Variants in SORBS2 observed in about 807,000 individuals in gnomAD.
The protein encoded by SORBS2 is sorbin and SH3 domain-containing protein 2.
SORBS2 carries 46 observed loss-of-function variants against 97.7 expected under a neutral mutation model. That is an observed-to-expected ratio of 0.47 (90% CI 0.37 to 0.60). The LOEUF is 0.60. SORBS2 is among the 20% of genes least tolerant of loss of function. The pLI, the probability that SORBS2 is intolerant of heterozygous loss-of-function variation, is 0.00. For synonymous variants in SORBS2, 476 were observed against 473.4 expected (o/e 1.01, Z -0.07); for missense variants, 1,316 against 1,282.3 (o/e 1.03, Z -0.40).
chr4:185,944,497 C>A lies in SORBS2; in HGVS notation c.-338+11699G>T, dbSNP rs541109573. Among the ~76,000 whole-genome samples the A allele has an allele frequency of 1.1e-3, 171 of 152,170 alleles. 1 individual carries two copies. The highest frequency in any genetic ancestry group is 1.8e-3 in the Non-Finnish European group (121 of 68,018). On this transcript the variant is annotated intron_variant, in intron 1 of 20. Transcript: ENST00000284776. ...AGTCAATCTAGAGACTATAAAGACA[C>A]AACACATCTAAAATTTGGATCTGAA...
intron 4 of SORBS2, chr4:185,676,961 T>C (rs752951646): frequency 3.9e-5 from 59 of 1,524,502 alleles, no homozygotes; most frequent in Non-Finnish European, 1.8e-6. Flanking sequence ...ACGATACGCA[T>C]GTATTAATAC....
intron 12 of SORBS2, among the ~76,000 whole-genome samples, chr4:185,599,731 TGTAGA>T (rs1373050786): frequency 3.3e-5 from 5 of 152,196 alleles, no homozygotes; most frequent in Admixed American, 2.6e-4. Flanking sequence ...CACTCTTATT[TGTAGA>T]GTAGAGAATC....
chr4:185,929,271 C>T (rs1183026483), intron 1 of SORBS2, among the ~76,000 whole-genome samples: 2 of 152,146 alleles, frequency 1.3e-5, no homozygotes, highest in African/African-American at 4.8e-5. Flanking sequence ...CAGGCTTCCA[C>T]AAGCGCTGAA....
chr4:185,927,883 A>G (rs1323681198), intron 1 of SORBS2, among the ~76,000 whole-genome samples: 2 of 152,192 alleles, frequency 1.3e-5, no homozygotes, highest in Non-Finnish European at 2.9e-5. Context: ...TATCATTTTC[A>G]TCACCAACAC....
At chr4:185,919,599 A>G (rs2099260047) in intron 1 of SORBS2, 1 of 152,112 alleles carries the variant, frequency 6.6e-6, no homozygotes, top group African/African-American at 2.4e-5. Flanking sequence ...TCTTTACTCT[A>G]ATTTCACCTC....
chr4:185,889,064 C>G (rs2099241164), intron 1 of SORBS2, among the ~76,000 whole-genome samples: 1 of 152,188 alleles, frequency 6.6e-6, no homozygotes, highest in African/African-American at 2.4e-5. Context: ...TCTTTTTCAC[C>G]TAACACCTTT....
chr4:185,879,173 C>T (rs1324485466), intron 1 of SORBS2, among the ~76,000 whole-genome samples: 5 of 109,182 alleles, frequency 4.6e-5, no homozygotes, highest in East Asian at 2.2e-4. Flanking sequence ...CCTCCCCCCC[C>T]CCCACCCCAC....
At chr4:185,856,473 A>G (rs2099220596) in intron 1 of SORBS2, among the ~76,000 whole-genome samples, 1 of 152,166 alleles carries the variant, frequency 6.6e-6, no homozygotes, top group Admixed American at 6.5e-5. Context: ...TTATGACCCC[A>G]CTATCTTGCC....
intron 1 of SORBS2, among the ~76,000 whole-genome samples, chr4:185,828,459 AATC>A (rs1308136604): frequency 6.6e-6 from 1 of 151,828 alleles, no homozygotes; most frequent in Non-Finnish European, 1.5e-5. Flanking sequence ...CATCCACTAA[AATC>A]ATCATTATCA....
chr4:185,865,010 G>A (rs2099226019), intron 1 of SORBS2, among the ~76,000 whole-genome samples: 1 of 151,988 alleles, frequency 6.6e-6, no homozygotes, highest in Admixed American at 6.6e-5. Context: ...AGAAGAGGAG[G>A]AGCCGATGCT....
intron 1 of SORBS2, among the ~76,000 whole-genome samples, chr4:185,945,500 G>A (rs981284712): frequency 7.2e-5 from 11 of 152,122 alleles, no homozygotes; most frequent in Non-Finnish European, 4.4e-5. Context: ...GTTATTTCCC[G>A]ATCATTGCAC....
chr4:185,719,178 T>C (rs1000779487), intron 2 of SORBS2, among the ~76,000 whole-genome samples: 2 of 152,162 alleles, frequency 1.3e-5, no homozygotes, highest in African/African-American at 4.8e-5. Flanking sequence ...ATAATTTTCT[T>C]AGAGAGAGGT....
intron 1 of SORBS2, among the ~76,000 whole-genome samples, chr4:185,922,277 C>T (rs533906219): frequency 1.9e-4 from 24 of 124,538 alleles, no homozygotes; most frequent in Non-Finnish European, 3.4e-4. Context: ...CTCTCCCCTT[C>T]CTCTCTCTGT....
At chr4:185,910,329 A>G (rs1238948539) in intron 1 of SORBS2, among the ~76,000 whole-genome samples, 1 of 152,164 alleles carries the variant, frequency 6.6e-6, no homozygotes, top group South Asian at 2.1e-4. Context: ...TCTTACTGAA[A>G]AGAAATGCTG....
intron 1 of SORBS2, among the ~76,000 whole-genome samples, chr4:185,952,038 T>G (rs1338246873): frequency 7.3e-6 from 1 of 136,330 alleles, no homozygotes; most frequent in African/African-American, 2.6e-5. Flanking sequence ...CTTCTTTTTT[T>G]TTTTTTTGAT....
In SORBS2 at chr4:185,606,747, G is replaced by T. The variant is rs560113339; in HGVS notation, c.2796+5033C>A. 9 of 985,062 alleles carry T rather than the reference G, an allele frequency of 9.1e-6. No homozygotes were observed. Among genetic ancestry groups the T allele is most frequent in the Non-Finnish European group, 1.1e-5 (9 of 829,894 alleles). 61.0% of individuals were successfully genotyped at this position (985,062 alleles called of 1,614,324 possible). On this transcript the variant is annotated intron_variant, in intron 12 of 14. Coordinates refer to ENST00000418609, the Ensembl canonical transcript of SORBS2. This position sits in a 1 kb window ranked among gnomAD's most constrained non-coding sequence, Gnocchi z 4.3. Reference sequence around the variant, plus strand: ...ACCCATCGTGGCCACACCACCAGGCGTCTCCTTCCTGAGGTTCTGGCGGCC... The same window carrying T: ...ACCCATCGTGGCCACACCACCAGGCTTCTCCTTCCTGAGGTTCTGGCGGCC...
intron 2 of SORBS2, 99 bp downstream of exon 10, chr4:185,652,563 G>A: frequency 1.1e-6 from 1 of 912,286 alleles, no homozygotes; most frequent in East Asian, 2.4e-5. Flanking sequence ...GGAGTTTGCT[G>A]GGGTCTTGAC....
intron 1 of SORBS2, among the ~76,000 whole-genome samples, chr4:185,837,856 A>C (rs189861961): frequency 0.021 from 3,219 of 151,500 alleles, 63 homozygotes; most frequent in Middle Eastern, 0.048. Flanking sequence ...AAAAAAAAAA[A>C]CCCACATTGC....
chr4:185,824,171 C>A (rs911176179), intron 1 of SORBS2, among the ~76,000 whole-genome samples: 3 of 152,176 alleles, frequency 2.0e-5, no homozygotes, highest in Non-Finnish European at 4.4e-5. Context: ...GAGGTGTGGG[C>A]AGCCCCATCC....
Sources: gnomAD v4.1 joint callset for allele counts (sites outside exome capture counted in the v4.1 genomes callset) on GRCh38, gnomAD v4.1.1 for gene constraint, Gnocchi (gnomAD v3.1) non-coding constraint, MANE v1.5 for transcripts, NCBI Gene and HGNC (gene_info 2026-07-23, HGNC 2026-07-21) for gene names.